Variants in NUP98 observed in about 807,000 individuals in gnomAD.
NUP98 encodes nucleoporin 98 and 96 precursor, also known as nuclear pore complex protein Nup98-Nup96.
Under a neutral mutation model 191.9 loss-of-function variants are expected in NUP98, and 26 were observed. The ratio of observed to expected loss-of-function variants is 0.14; its 90% CI spans 0.10 to 0.19. The LOEUF is 0.19. NUP98 is among the 10% of genes least tolerant of loss of function. The pLI is 1.00. For missense variants in NUP98, 1,941 were observed against 2,178.8 expected (o/e 0.89, Z 2.17); for synonymous variants, 808 against 778.4 (o/e 1.04, Z -0.63).
intron 12 of NUP98, among the ~76,000 whole-genome samples, chr11:3,743,129 C>T (rs980243029): frequency 2.0e-5 from 3 of 151,934 alleles, no homozygotes; most frequent in Non-Finnish European, 4.4e-5. Flanking sequence ...AGCGATTCTC[C>T]TGCCTCAGCC....
In NUP98 at chr11:3,756,830, G is replaced by A. The variant is rs527960664; in HGVS notation, c.1175-3422C>T. Among the ~76,000 whole-genome samples, 22 of 152,066 alleles carry A rather than the reference G, an allele frequency of 1.4e-4. 1 individual carries two copies. The East Asian group carries it at 2.7e-3, about 19-fold the overall frequency. On this transcript the variant is annotated intron_variant, in intron 10 of 32. Coordinates refer to ENST00000324932, the MANE Select transcript of NUP98 (RefSeq NM_016320.5). Reference sequence around the variant, plus strand: ...CGGCTGGGCGCAGTGGCTCACGCCTGTAATCCCAACCTTTTGGGAGGCCGA... The same window carrying A: ...CGGCTGGGCGCAGTGGCTCACGCCTATAATCCCAACCTTTTGGGAGGCCGA...
chr11:3,753,538 T>A (rs995869292), intron 10 of NUP98, 130 bp from the exon 11 acceptor site: 1 of 642,074 alleles, frequency 1.6e-6, no homozygotes, highest in East Asian at 2.8e-5. Flanking sequence ...GACTCCTAAC[T>A]TGTAGGATAA....
chr11:3,695,958 A>G (rs2078490826), intron 25 of NUP98, among the ~76,000 whole-genome samples: 1 of 152,034 alleles, frequency 6.6e-6, no homozygotes, highest in Non-Finnish European at 1.5e-5. Context: ...CTGGCAGGCC[A>G]AGGGAGGTGG....
intron 30 of NUP98, 194 bp from the exon 31 acceptor site, chr11:3,679,902 TA>T: frequency 1.7e-6 from 1 of 592,688 alleles, no homozygotes; most frequent in Non-Finnish European, 2.9e-6. Context: ...GGTATCACAA[TA>T]AAATCACAAA....
intron 12 of NUP98, among the ~76,000 whole-genome samples, chr11:3,738,776 CAA>C (rs58460963): frequency 5.9e-5 from 4 of 67,244 alleles, no homozygotes; most frequent in Non-Finnish European, 7.8e-5. Flanking sequence ...AGACTCCTCT[CAA>C]AAAAAAAAAA....
intron 16 of NUP98, among the ~76,000 whole-genome samples, chr11:3,722,787 TG>T (rs1564844063): frequency 2.6e-5 from 4 of 152,096 alleles, no homozygotes; most frequent in Non-Finnish European, 4.4e-5. Flanking sequence ...CACTCCAGCC[TG>T]GGCGACAGAG....
intron 10 of NUP98, chr11:3,760,121 A>AC (rs2081115278): frequency 5.7e-6 from 1 of 176,156 alleles, no homozygotes. Context: ...CCAAAAAAAA[A>AC]AAAAAAAACA....
intron 12 of NUP98, among the ~76,000 whole-genome samples, chr11:3,736,095 T>C (rs1194193241): frequency 6.8e-6 from 1 of 146,102 alleles, no homozygotes; most frequent in Admixed American, 6.7e-5. Flanking sequence ...TGTGTGTGTG[T>C]GTGTTTTGTT....
At chr11:3,710,562 G>C (rs2079000134) in intron 20 of NUP98, among the ~76,000 whole-genome samples, 1 of 152,142 alleles carries the variant, frequency 6.6e-6, no homozygotes, top group South Asian at 2.1e-4. Context: ...AAAAGAAGCT[G>C]AAGTTTTGCA....
chr11:3,687,858 GAGACTATCTTGGCTAACAAAACA>G (rs1359035073), intron 28 of NUP98, among the ~76,000 whole-genome samples: 43 of 146,766 alleles, frequency 2.9e-4, no homozygotes, highest in African/African-American at 1.1e-3. Context: ...TCAGGAGATC[GAGACTATCTTGGCTAACAAAACA>G]AGGCTGGGTG....
At chr11:3,702,297 ACACACACACACACACACTCTCTCTCT>A (rs2078709750) in intron 23 of NUP98, among the ~76,000 whole-genome samples, 140 bp downstream of exon 23, 1 of 57,252 alleles carries the variant, frequency 1.7e-5, no homozygotes, top group African/African-American at 6.7e-5. Flanking sequence ...ACACACACAC[ACACACACACACACACACTCTCTCTCT>A]CTCTCTCTCT....
At chr11:3,700,564 C>T in intron 24 of NUP98, 46 bp downstream of exon 24, 1 of 1,329,394 alleles carries the variant, frequency 7.5e-7, no homozygotes, top group African/African-American at 1.4e-5. Flanking sequence ...ACGCTACCAC[C>T]ACTATTATTG....
rs377075682 is a variant in NUP98, at chr11:3,694,715, G to A, written c.4167+734C>T. On this transcript the variant is annotated intron_variant, in intron 26 of 32. Transcript: ENST00000324932. ...AGATCGTGCCACTGCACTCCAACCT[G>A]GGCAACAGAGCGAGACTCTGTCTCA... Among the ~76,000 whole-genome samples, 9 of 151,610 alleles carry A rather than the reference G, an allele frequency of 5.9e-5. 1 individual carries two copies. In the East Asian group the frequency reaches 7.8e-4, roughly 13 times the overall value.
chr11:3,698,919 T>C, intron 25 of NUP98, 163 bp downstream of exon 25: 1 of 749,238 alleles, frequency 1.3e-6, no homozygotes, highest in Non-Finnish European at 2.2e-6. Context: ...AAATTTTATG[T>C]TATATTACAT....
At position 3,723,198 on chromosome 11, in the gene NUP98, C is replaced by A. The variant is rs778369949; in HGVS notation, c.2105G>T (p.Arg702Leu). 1 of 1,614,118 alleles carries A rather than the reference C, an allele frequency of 6.2e-7. No individual in the cohort carries two copies. Among genetic ancestry groups the A allele is most frequent in the South Asian group, 1.1e-5 (1 of 91,076 alleles). The change falls in exon 16 of 33, where the codon CGA becomes CTA. Residue 702 changes from arginine (R) to leucine (L), a missense_variant. Arg to Leu is a moderately radical substitution (Grantham distance 102). Around this residue, in one of 6 missense-constraint regions of NUP98, gnomAD observed 453 missense variants for 438.2 expected, o/e 1.03. Coordinates refer to ENST00000324932, the MANE Select transcript of NUP98 (RefSeq NM_016320.5). ...SFHDESLQDD[R>L]EEIENNSYHM... is the part of the protein sequence containing the mutation. ...GTAAGAATTATTTTCTATTTCTTCTCGGTCATCCTGAAGTGACTCATCATG... is the reference window on the plus strand; with the variant it reads ...GTAAGAATTATTTTCTATTTCTTCTAGGTCATCCTGAAGTGACTCATCATG...
At chr11:3,704,524 C>T (rs1334324819) in intron 22 of NUP98, among the ~76,000 whole-genome samples, 1 of 152,176 alleles carries the variant, frequency 6.6e-6, no homozygotes, top group Non-Finnish European at 1.5e-5. Flanking sequence ...GTAAGGACTG[C>T]ACAAAACAAG....
At chr11:3,704,469 T>C (rs2078799398) in intron 22 of NUP98, among the ~76,000 whole-genome samples, 1 of 152,214 alleles carries the variant, frequency 6.6e-6, no homozygotes, top group Non-Finnish European at 1.5e-5. Context: ...GCTCTGTGCA[T>C]TACGAGAAGC....
At chr11:3,762,369 A>G (rs2081203897) in intron 9 of NUP98, among the ~76,000 whole-genome samples, 1 of 151,054 alleles carries the variant, frequency 6.6e-6, no homozygotes, top group Non-Finnish European at 1.5e-5. Context: ...TGATCCACCC[A>G]CCTCGGCCTC....
At chr11:3,765,598 A>C (rs922780034) in intron 8 of NUP98, among the ~76,000 whole-genome samples, 6 of 151,922 alleles carry the variant, frequency 3.9e-5, no homozygotes, top group Non-Finnish European at 7.4e-5. Context: ...TCAGGTGTTC[A>C]AGATCAGCCT....
Sources: allele counts gnomAD v4.1 joint callset (sites outside exome capture counted in the v4.1 genomes callset), GRCh38; gene constraint gnomAD v4.1.1; regional missense constraint gnomAD v4.1.1; transcripts MANE v1.5; gene names NCBI Gene and HGNC (gene_info 2026-07-23, HGNC 2026-07-21).